Variants in VPS13A observed in about 807,000 individuals in gnomAD.
VPS13A encodes the protein vacuolar protein sorting 13 homolog A.
A neutral mutation model predicts 390.9 loss-of-function variants in VPS13A; 264 were observed. The ratio of observed to expected loss-of-function variants is 0.68; its 90% CI spans 0.61 to 0.75. The LOEUF (loss-of-function observed/expected upper bound fraction) is 0.75. Among genes scored for constraint, VPS13A ranks in the 30% least tolerant of loss-of-function variants. VPS13A has a pLI of 0.00. For missense variants in VPS13A, 3,409 were observed against 3,733.9 expected, an observed-to-expected ratio of 0.91 and a Z score of 2.27; for synonymous variants, 1,231 against 1,227.1, an observed-to-expected ratio of 1.00 and a Z score of -0.07.
At chr9:77,278,464 T>G (rs1382412223) in intron 26 of VPS13A, among the ~76,000 whole-genome samples, 2 of 152,170 alleles carry the variant, frequency 1.3e-5, no homozygotes, top group Non-Finnish European at 2.9e-5. Flanking sequence ...GAGTATACAA[T>G]TATTATTGCG....
Position 77,352,324 on chromosome 9 carries a change from G to GT in VPS13A, c.7419+887dup, listed in dbSNP as rs200412913. Reference sequence around the variant, plus strand: ...GATTCATCTTAATTTGACTCCTGATGTTTTTTTTTCTTACCACTGGTGATT... The same window carrying GT: ...GATTCATCTTAATTTGACTCCTGATGTTTTTTTTTTCTTACCACTGGTGATT... On this transcript the variant is annotated intron_variant, in intron 53 of 71. Transcript: ENST00000360280. 8.7e-3 allele frequency among the ~76,000 whole-genome samples: 1,317 copies of GT among 151,148 alleles called. 23 individuals carry two copies. The highest frequency in any genetic ancestry group is 0.03 in the African/African-American group (1,257 of 41,226).
In VPS13A at chr9:77,366,983, A is replaced by G. The variant is rs946425124; in HGVS notation, c.8471+111A>G. 6 of 1,148,212 alleles carry G rather than the reference A, an allele frequency of 5.2e-6. No individual in the cohort carries two copies. The Admixed American group carries it at 7.6e-5, about 15-fold the overall frequency. The allele number at this position is 1,148,212 out of a possible 1,614,324, so 71.1% of individuals were successfully genotyped here. On this transcript the variant is annotated intron_variant, in intron 61 of 71. Transcript: ENST00000360280. ...GAAGTACGTTGCAGATCATAGGCAAAATGAGGTTTTTGCATTCAAGTGAAG... is the reference window on the plus strand; with the variant it reads ...GAAGTACGTTGCAGATCATAGGCAAGATGAGGTTTTTGCATTCAAGTGAAG...
At chr9:77,286,334 G>A (rs1266148316) in intron 31 of VPS13A, among the ~76,000 whole-genome samples, 1 of 152,190 alleles carries the variant, frequency 6.6e-6, no homozygotes, top group Non-Finnish European at 1.5e-5. Context: ...CAGGGAGGCT[G>A]ACAGGAAGTC....
chr9:77,246,093 T>C (rs1382952106), intron 19 of VPS13A, among the ~76,000 whole-genome samples: 1 of 152,180 alleles, frequency 6.6e-6, no homozygotes, highest in African/African-American at 2.4e-5. Flanking sequence ...ACAGGTCTTA[T>C]TAGGGTCCCA....
At chr9:77,179,352 C>T (rs569448800) in intron 1 of VPS13A, among the ~76,000 whole-genome samples, 126 of 152,310 alleles carry the variant, frequency 8.3e-4, no homozygotes, top group Non-Finnish European at 1.5e-3. Flanking sequence ...CTCCCGAATT[C>T]TCTCAGCTGC....
At chr9:77,273,151 A>G (rs1826444550) in intron 23 of VPS13A, 129 bp from the exon 24 acceptor site, 1 of 694,040 alleles carries the variant, frequency 1.4e-6, no homozygotes, top group Non-Finnish European at 2.4e-6. Flanking sequence ...AAACCTGATT[A>G]TCTTCTCAGT....
intron 35 of VPS13A, among the ~76,000 whole-genome samples, chr9:77,311,221 G>A (rs962916844): frequency 6.6e-6 from 1 of 152,020 alleles, no homozygotes. Context: ...ACCATGCCTG[G>A]CCCACTTTCA....
intron 21 of VPS13A, among the ~76,000 whole-genome samples, chr9:77,251,589 T>C (rs7860618): frequency 6.6e-6 from 1 of 152,088 alleles, no homozygotes; most frequent in Non-Finnish European, 1.5e-5. Context: ...TTTTTTTACA[T>C]GATTTATATA....
chr9:77,251,913 G>A (rs1300122634), intron 21 of VPS13A, among the ~76,000 whole-genome samples: 1 of 152,154 alleles, frequency 6.6e-6, no homozygotes, highest in African/African-American at 2.4e-5. Flanking sequence ...ACCTAGAAGA[G>A]TAGAAATTAT....
At chr9:77,383,385 G>A (rs1833540147) in intron 68 of VPS13A, among the ~76,000 whole-genome samples, 1 of 152,050 alleles carries the variant, frequency 6.6e-6, no homozygotes, top group African/African-American at 2.4e-5. Context: ...CAATGACAGT[G>A]TATCGTTCTT....
rs1835157119 is a variant in VPS13A at position 77,416,011 on chromosome 9, G to A, written c.*5G>A. ...GAACCTTCTCCGAGCCTCTGACAGA[G>A]AACACTGCCTGAAGACACACAGCAA... On this transcript the variant is annotated 3_prime_UTR_variant, in exon 72 of 72. Coordinates refer to ENST00000360280, the MANE Select transcript of VPS13A (RefSeq NM_033305.3). The A allele has an allele frequency of 1.9e-6, 3 of 1,613,196 alleles. No individual in the cohort carries two copies. The highest frequency in any genetic ancestry group is 1.7e-5 in the Admixed American group (1 of 59,980).
intron 17 of VPS13A, among the ~76,000 whole-genome samples, chr9:77,229,947 T>A (rs73466020): frequency 0.018 from 2,730 of 152,326 alleles, 54 homozygotes; most frequent in African/African-American, 0.049. Flanking sequence ...TCTGTTCTTT[T>A]GATTACAGCC....
intron 71 of VPS13A, among the ~76,000 whole-genome samples, chr9:77,408,166 G>A (rs1231110932): frequency 6.6e-6 from 1 of 152,026 alleles, no homozygotes; most frequent in Non-Finnish European, 1.5e-5. Flanking sequence ...TGTACTTTAG[G>A]GATTATGGCA....
intron 31 of VPS13A, among the ~76,000 whole-genome samples, chr9:77,291,994 C>T (rs1027154620): frequency 1.3e-5 from 2 of 152,046 alleles, no homozygotes; most frequent in African/African-American, 4.8e-5. Flanking sequence ...TATTCTTGTC[C>T]CTAGGATACT....
At chr9:77,190,636 A>G (rs992157600) in intron 1 of VPS13A, among the ~76,000 whole-genome samples, 1 of 152,214 alleles carries the variant, frequency 6.6e-6, no homozygotes, top group African/African-American at 2.4e-5. Context: ...ATTTTTTGGA[A>G]TAGTTTCAAT....
chr9:77,362,043 T>G (rs1411661813), intron 59 of VPS13A, among the ~76,000 whole-genome samples: 1 of 152,206 alleles, frequency 6.6e-6, no homozygotes, highest in Non-Finnish European at 1.5e-5. Flanking sequence ...TAAAAGTTAT[T>G]TGCATATTCT....
At chr9:77,405,813 A>ATAAG in intron 69 of VPS13A, 51 bp from the exon 70 acceptor site, 10 of 1,606,646 alleles carry the variant, frequency 6.2e-6, no homozygotes, top group Non-Finnish European at 8.5e-6. Context: ...GTTATTGGAT[A>ATAAG]TAAGTGCCTC....
rs962469427 is a variant in VPS13A, at chr9:77,318,741, T to G, written c.5313+150T>G. On this transcript the variant is annotated intron_variant, in intron 41 of 71. Coordinates refer to ENST00000360280, the MANE Select transcript of VPS13A (RefSeq NM_033305.3). ...TGGGTCAAAAACTTTTAGAAAAAAGTTTTCAAATTTTGCCCTTGAATAATT... is the reference window on the plus strand; with the variant it reads ...TGGGTCAAAAACTTTTAGAAAAAAGGTTTCAAATTTTGCCCTTGAATAATT... 3 of 798,484 alleles carry G rather than the reference T, an allele frequency of 3.8e-6. No homozygotes were observed. The African/African-American group carries it at 5.2e-5, about 14-fold the overall frequency. The allele number at this position is 798,484 out of a possible 1,614,324, so 49.5% of individuals were successfully genotyped here.
At chr9:77,206,326 T>TA (rs1589995536) in intron 5 of VPS13A, among the ~76,000 whole-genome samples, 1 of 111,182 alleles carries the variant, frequency 9.0e-6, no homozygotes, top group Non-Finnish European at 1.8e-5. Flanking sequence ...GTTTACATAT[T>TA]TTTTATATAT....
Sources: gnomAD v4.1 joint callset for allele counts (sites outside exome capture counted in the v4.1 genomes callset) on GRCh38, gnomAD v4.1.1 for gene constraint, MANE v1.5 for transcripts, NCBI Gene and HGNC (gene_info 2026-07-23, HGNC 2026-07-21) for gene names.